Variants in TSPYL1 observed in about 807,000 individuals in gnomAD.
TSPYL1 encodes TSPY like 1.
In TSPYL1, 16 loss-of-function variants were observed where a neutral mutation model predicts 20.1. That is an observed-to-expected ratio of 0.80 (90% CI 0.54 to 1.21). The LOEUF is 1.21. TSPYL1 is among the 50% of genes most tolerant of loss of function. The pLI is 0.00. For synonymous variants in TSPYL1, 259 were observed against 227.1 expected (o/e 1.14, Z -1.26); for missense variants, 560 against 569.3 (o/e 0.98, Z 0.17).
chr6:116,278,364 G>A lies in TSPYL1; in HGVS notation c.*153C>T, dbSNP rs1198353375. The A allele has an allele frequency of 2.4e-5, 22 of 925,074 alleles. No homozygotes were observed. The highest frequency in any genetic ancestry group is 3.7e-5 in the Non-Finnish European group (22 of 597,796). The allele number at this position is 925,074 out of a possible 1,614,324, so 57.3% of individuals were successfully genotyped here. ...ATACCCACCACCGTCTCAATCTTGAGGTTGAGAGAACTGAATATCCAAAGG... is the reference window on the plus strand; with the variant it reads ...ATACCCACCACCGTCTCAATCTTGAAGTTGAGAGAACTGAATATCCAAAGG... On this transcript the variant is annotated 3_prime_UTR_variant, in exon 1 of 1. Transcript: ENST00000368608.
Position 116,279,888 on chromosome 6 carries a change from G to A in TSPYL1, c.-58C>T. The stretch of plus-strand genomic sequence containing the variant: ...GCCCGTTTTCCTCAGAGGCCGAACT[G>A]GGAGCTAACCGCCGCTCGCACCGCC... On this transcript the variant is annotated 5_prime_UTR_variant, in exon 1 of 1. Coordinates refer to ENST00000368608, the MANE Select transcript of TSPYL1 (RefSeq NM_003309.4). The A allele has an allele frequency of 6.2e-7, 1 of 1,611,338 alleles. No homozygotes were observed. Among genetic ancestry groups the A allele is most frequent in the South Asian group, 1.1e-5 (1 of 90,910 alleles).
In TSPYL1 at chr6:116,279,651, C is replaced by A; in HGVS notation, c.180G>T (p.Pro60=). 1.2e-6 allele frequency: 2 copies of A among 1,605,936 alleles called. No homozygotes were observed. The highest frequency in any genetic ancestry group is 1.7e-6 in the Non-Finnish European group (2 of 1,179,902). The change falls in exon 1 of 1, where the codon CCG becomes CCT. Residue 60 remains proline (P), a synonymous_variant. Coordinates refer to ENST00000368608, the MANE Select transcript of TSPYL1 (RefSeq NM_003309.4). Reference sequence around the variant, plus strand: ...CCCCCTCCTCTGAAGGCGGTGGAGGCGGGAGCGCGACGGTCTCCGAGCCTC... The same window carrying A: ...CCCCCTCCTCTGAAGGCGGTGGAGGAGGGAGCGCGACGGTCTCCGAGCCTC... The part of the protein sequence containing the change: ...GEGGSETVAL[P]PPPPSEEGGV...
Position 116,278,446 on chromosome 6 carries a change from C to T in TSPYL1, c.*71G>A. ...AGCACAATAGAAGGCATACTCATTGCTGATGCCCAAGCACAGGTCCAGCAG... is the reference window on the plus strand; with the variant it reads ...AGCACAATAGAAGGCATACTCATTGTTGATGCCCAAGCACAGGTCCAGCAG... On this transcript the variant is annotated 3_prime_UTR_variant, in exon 1 of 1. Transcript: ENST00000368608. The T allele has an allele frequency of 6.2e-7, 1 of 1,605,174 alleles. No individual in the cohort carries two copies. The highest frequency in any genetic ancestry group is 8.5e-7 in the Non-Finnish European group (1 of 1,173,794).
At position 116,278,015 on chromosome 6, in the gene TSPYL1, G is replaced by C. The variant is rs557460795; in HGVS notation, c.*502C>G. 3.8e-5 allele frequency: 6 copies of C among 156,814 alleles called. No homozygotes were observed. The East Asian group carries it at 1.1e-3, about 30-fold the overall frequency. 9.7% of individuals were successfully genotyped at this position (156,814 alleles called of 1,614,324 possible). A position where few individuals can be genotyped will look rare whatever the true frequency, so the allele number is the denominator to read the frequency against. ...TAGAAAGTGACTAGAGGTGAAGGAAGAGCAATGAAGTACCATAAATCACAC... is the reference window on the plus strand; with the variant it reads ...TAGAAAGTGACTAGAGGTGAAGGAACAGCAATGAAGTACCATAAATCACAC... On this transcript the variant is annotated 3_prime_UTR_variant, in exon 1 of 1. Transcript: ENST00000368608.
rs771836811 is a variant in TSPYL1, at chr6:116,279,256, ACCT to A, written c.572_574del (p.Glu191del). The A allele has an allele frequency of 4.6e-5, 74 of 1,606,508 alleles. No individual in the cohort carries two copies. In the Admixed American group the frequency reaches 1.2e-3, roughly 27 times the overall value. ...TTCACCTTCTGGCGGCTGCTCCTCT[ACCT>A]CCATCTGCTCCTCCATTACCTCCTT... On this transcript the variant is annotated inframe_deletion, in exon 1 of 1. Coordinates refer to ENST00000368608, the MANE Select transcript of TSPYL1 (RefSeq NM_003309.4).
In TSPYL1 at chr6:116,275,509, A is replaced by G. The variant is rs1481762496; in HGVS notation, c.*3008T>C. ...TCTGCTGACAACTATGCAAAACATT[A>G]TGCTAGATGGGCTGGGTGCGGTGGC... On this transcript the variant is annotated 3_prime_UTR_variant, in exon 1 of 1. Transcript: ENST00000368608. 6.6e-6 allele frequency among the ~76,000 whole-genome samples: 1 copy of G among 152,194 alleles called. No homozygotes were observed. The highest frequency in any genetic ancestry group is 1.5e-5 in the Non-Finnish European group (1 of 68,036).
rs1354047196 is a variant in TSPYL1 at position 116,279,606 on chromosome 6, C to T, written c.225G>A (p.Ala75=). The T allele has an allele frequency of 6.2e-7, 1 of 1,602,366 alleles. No individual in the cohort carries two copies. Residue 75 remains alanine, a synonymous_variant, in exon 1 of 1, where the codon GCG becomes GCA. Coordinates refer to ENST00000368608, the MANE Select transcript of TSPYL1 (RefSeq NM_003309.4). ...GGATCTGGGGAGTACCGCCACGGCC[C>T]GCGGCATCCTGGGGTACGCCCCCCT... ...SEEGGVPQDA[A]GRGGTPQIRV...
Position 116,278,070 on chromosome 6 carries a change from T to C in TSPYL1, c.*447A>G. The stretch of plus-strand genomic sequence containing the variant: ...CAAGTGGCTCACTGCTTTTCTCCTC[T>C]GAGTTCATTAACGTCCAGTAACTGT... On this transcript the variant is annotated 3_prime_UTR_variant, in exon 1 of 1. Coordinates refer to ENST00000368608, the MANE Select transcript of TSPYL1 (RefSeq NM_003309.4). 5.4e-6 allele frequency: 1 copy of C among 184,132 alleles called. No individual in the cohort carries two copies. Among genetic ancestry groups the C allele is most frequent in the Non-Finnish European group, 1.2e-5 (1 of 85,640 alleles). 11.4% of individuals were successfully genotyped at this position (184,132 alleles called of 1,614,324 possible).
chr6:116,278,259 G>T lies in TSPYL1; in HGVS notation c.*258C>A. On this transcript the variant is annotated 3_prime_UTR_variant, in exon 1 of 1. Coordinates refer to ENST00000368608, the MANE Select transcript of TSPYL1 (RefSeq NM_003309.4). Reference sequence around the variant, plus strand: ...TACAATCTACAGTATCATTTGCTTGGCTTACAAGTAGTGTGAAGGATGACC... The same window carrying T: ...TACAATCTACAGTATCATTTGCTTGTCTTACAAGTAGTGTGAAGGATGACC... 2.1e-6 allele frequency: 1 copy of T among 484,346 alleles called. No homozygotes were observed. Among genetic ancestry groups the T allele is most frequent in the Non-Finnish European group, 3.8e-6 (1 of 264,214 alleles). 30.0% of individuals were successfully genotyped at this position (484,346 alleles called of 1,614,324 possible).
In TSPYL1 at chr6:116,278,317, G is replaced by C; in HGVS notation, c.*200C>G. On this transcript the variant is annotated 3_prime_UTR_variant, in exon 1 of 1. Transcript: ENST00000368608. ...ATGTGATATTCCAGAACAGCATGAA[G>C]GTCATATGGAAGTGGAGAAGCATAC... 1.6e-6 allele frequency: 1 copy of C among 633,398 alleles called. No individual in the cohort carries two copies. The highest frequency in any genetic ancestry group is 2.8e-6 in the Non-Finnish European group (1 of 359,796). 39.2% of individuals were successfully genotyped at this position (633,398 alleles called of 1,614,324 possible).
In TSPYL1 at chr6:116,276,233, T is replaced by G. The variant is rs1183697565; in HGVS notation, c.*2284A>C. On this transcript the variant is annotated 3_prime_UTR_variant, in exon 1 of 1. Coordinates refer to ENST00000368608, the MANE Select transcript of TSPYL1 (RefSeq NM_003309.4). ...GAAGTTTAAAGAAAAAAAGGAAGTT[T>G]TTACAGATGAGAAAGTATGAAAATA... Among the ~76,000 whole-genome samples, 1 of 152,100 alleles carries G rather than the reference T, an allele frequency of 6.6e-6. No homozygotes were observed. The highest frequency in any genetic ancestry group is 1.5e-5 in the Non-Finnish European group (1 of 68,010).
chr6:116,278,558 G>C lies in TSPYL1; in HGVS notation c.1273C>G (p.Pro425Ala), dbSNP rs908565433. The C allele has an allele frequency of 2.5e-6, 4 of 1,614,034 alleles. No individual in the cohort carries two copies. Among genetic ancestry groups the C allele is most frequent in the East Asian group, 2.2e-5 (1 of 44,882 alleles). The change falls in exon 1 of 1, where the codon CCT becomes GCT. Residue 425 changes from proline (P) to alanine (A), a missense_variant. Coordinates refer to ENST00000368608, the MANE Select transcript of TSPYL1 (RefSeq NM_003309.4). ...CCAAAGGGCCTGGGGATCTCTACAG[G>C]CTCCCTTAGCGGGCGACGTCGGGCT... ...RRARRRPLREPVEIPRPFGFQ... is the reference protein window; with the variant it reads ...RRARRRPLREAVEIPRPFGFQ...
rs1773156970 is a variant in TSPYL1 at position 116,276,658 on chromosome 6, A to G, written c.*1859T>C. ...ATTAAAGGACTTTAATGATTCCATA[A>G]TTTTTAATTAATATGAACAACTTCA... On this transcript the variant is annotated 3_prime_UTR_variant, in exon 1 of 1. Transcript: ENST00000368608. 6.6e-6 allele frequency: 1 copy of G among 152,152 alleles called. No individual in the cohort carries two copies. Among genetic ancestry groups the G allele is most frequent in the Non-Finnish European group, 1.5e-5 (1 of 68,010 alleles). 9.4% of individuals were successfully genotyped at this position (152,152 alleles called of 1,614,324 possible). A position where few individuals can be genotyped will look rare whatever the true frequency, so the allele number is the denominator to read the frequency against.
rs1182157464 is a variant in TSPYL1, at chr6:116,278,774, T to C, written c.1057A>G (p.Thr353Ala). The stretch of plus-strand genomic sequence containing the variant: ...TGCCCCCTGCGCCATATAATTGGAG[T>C]AGAAAGAGACACCACTCGGCCGGAG... ...RSSGRVVSLS[T>A]PIIWRRGHEP... Residue 353 changes from threonine (T) to alanine (A), a missense_variant, in exon 1 of 1, where the codon ACT becomes GCT. Physicochemically the swap from Thr to Ala is moderately conservative, Grantham distance 58. Transcript: ENST00000368608. The C allele has an allele frequency of 1.2e-6, 2 of 1,613,918 alleles. No homozygotes were observed. The highest frequency in any genetic ancestry group is 8.5e-7 in the Non-Finnish European group (1 of 1,179,988).
In TSPYL1 at chr6:116,276,690, C is replaced by A. The variant is rs1280506753; in HGVS notation, c.*1827G>T. The stretch of plus-strand genomic sequence containing the variant: ...ATTAATATGAACAACTTCATTCAAG[C>A]ATTACATTTATGGGTAAGGTGAAAA... On this transcript the variant is annotated 3_prime_UTR_variant, in exon 1 of 1. Coordinates refer to ENST00000368608, the MANE Select transcript of TSPYL1 (RefSeq NM_003309.4). 1.3e-5 allele frequency: 2 copies of A among 152,104 alleles called. No homozygotes were observed. The highest frequency in any genetic ancestry group is 6.5e-5 in the Admixed American group (1 of 15,284). The allele number at this position is 152,104 out of a possible 1,614,324, so 9.4% of individuals were successfully genotyped here. A position where few individuals can be genotyped will look rare whatever the true frequency, so the allele number is the denominator to read the frequency against.
rs1245267818 is a variant in TSPYL1 at position 116,277,022 on chromosome 6, G to C, written c.*1495C>G. ...CAGAAACAAGAACAAGTTGAAAACT[G>C]TTATGACTATTCATATGTCTCTATA... On this transcript the variant is annotated 3_prime_UTR_variant, in exon 1 of 1. Transcript: ENST00000368608. 6.6e-6 allele frequency: 1 copy of C among 152,282 alleles called. No individual in the cohort carries two copies. Among genetic ancestry groups the C allele is most frequent in the Admixed American group, 6.5e-5 (1 of 15,302 alleles). 9.4% of individuals were successfully genotyped at this position (152,282 alleles called of 1,614,324 possible). A position where few individuals can be genotyped will look rare whatever the true frequency, so the allele number is the denominator to read the frequency against.
rs1460959034 is a variant in TSPYL1, at chr6:116,279,778, A to G, written c.53T>C (p.Ile18Thr). 6.2e-7 allele frequency: 1 copy of G among 1,612,732 alleles called. No individual in the cohort carries two copies. The highest frequency in any genetic ancestry group is 1.7e-5 in the Admixed American group (1 of 60,022). ...GCTCGGGACTTGGTCAGAAATAATG[A>G]TGCTGTGGGTTTGGAGGGGAGTGGT... Reference protein sequence around the residue: ...KRTTPLQTHSIIISDQVPSDQ... With the variant: ...KRTTPLQTHSTIISDQVPSDQ... The change falls in exon 1 of 1, where the codon ATC (isoleucine) becomes ACC (threonine). Residue 18 changes from isoleucine (I) to threonine (T), a missense_variant. Ile to Thr is a moderately conservative substitution (Grantham distance 89). Coordinates refer to ENST00000368608, the MANE Select transcript of TSPYL1 (RefSeq NM_003309.4).
Position 116,275,505 on chromosome 6 carries a change from C to T in TSPYL1, c.*3012G>A, listed in dbSNP as rs1252373322. Among the ~76,000 whole-genome samples the T allele has an allele frequency of 6.6e-6, 1 of 152,176 alleles. No individual in the cohort carries two copies. The highest frequency in any genetic ancestry group is 1.5e-5 in the Non-Finnish European group (1 of 68,034). ...TTTATCTGCTGACAACTATGCAAAA[C>T]ATTATGCTAGATGGGCTGGGTGCGG... On this transcript the variant is annotated 3_prime_UTR_variant, in exon 1 of 1. Transcript: ENST00000368608.
In TSPYL1 at chr6:116,277,661, T is replaced by C. The variant is rs1039715125; in HGVS notation, c.*856A>G. 2.0e-4 allele frequency: 30 copies of C among 151,772 alleles called. No homozygotes were observed. The highest frequency in any genetic ancestry group is 8.5e-4 in the Admixed American group (13 of 15,242). The allele number at this position is 151,772 out of a possible 1,614,324, so 9.4% of individuals were successfully genotyped here. A position where few individuals can be genotyped will look rare whatever the true frequency, so the allele number is the denominator to read the frequency against. On this transcript the variant is annotated 3_prime_UTR_variant, in exon 1 of 1. Coordinates refer to ENST00000368608, the MANE Select transcript of TSPYL1 (RefSeq NM_003309.4). ...GAGCTATCACTTTTTTAAGAGAGGA[T>C]TGGGAGGCTAAGGAGGGCGGATCAC...
Sources: allele counts gnomAD v4.1 joint callset (sites outside exome capture counted in the v4.1 genomes callset), GRCh38; gene constraint gnomAD v4.1.1; transcripts MANE v1.5; gene names NCBI Gene and HGNC (gene_info 2026-07-23, HGNC 2026-07-21).